DNAH17: variants seen among roughly 807,000 people sequenced by gnomAD.
DNAH17 encodes axonemal beta dynein heavy chain 17.
In DNAH17, 376 loss-of-function variants were observed where a neutral mutation model predicts 485.6. The ratio of observed to expected loss-of-function variants is 0.77; its 90% CI spans 0.71 to 0.84. The LOEUF is 0.84. DNAH17 is among the 40% of genes least tolerant of loss of function. The pLI, the probability that DNAH17 is intolerant of heterozygous loss-of-function variation, is 0.00. For synonymous variants in DNAH17, 3,031 were observed against 2,405.9 expected, an observed-to-expected ratio of 1.26 and a Z score of -7.60; for missense variants, 6,370 against 5,839.3, an observed-to-expected ratio of 1.09 and a Z score of -2.96.
In DNAH17 at chr17:78,529,565, G is replaced by A. The variant is rs114409321; in HGVS notation, c.3414C>T (p.Ala1138=). 1.0e-3 allele frequency: 1,644 copies of A among 1,613,926 alleles called. 14 individuals are homozygous for A. In the African/African-American group the frequency reaches 0.018, roughly 18 times the overall value. ...HLMKVKERQA[A]TDNMFEPLKQ... ...TCAGGGGCTCAAACATGTTGTCGGT[G>A]GCTGCTTGCCTCTCCTTGACTTTCA... The change falls in exon 22 of 81, where the codon GCC becomes GCT. Residue 1138 remains alanine (A), a synonymous_variant. Transcript: ENST00000389840.
chr17:78,439,300 C>A (rs1371863130), intron 72 of DNAH17, 83 bp from the exon 73 acceptor site: 2 of 1,450,902 alleles, frequency 1.4e-6, no homozygotes, highest in Admixed American at 4.7e-5. Context: ...CCAGGAATTC[C>A]ACATGCCTCC....
At chr17:78,490,412 TTCCCACCTCCACAGAGGCCAAGACC>T (rs1393943026) in intron 44 of DNAH17, among the ~76,000 whole-genome samples, 1 of 152,162 alleles carries the variant, frequency 6.6e-6, no homozygotes, top group Non-Finnish European at 1.5e-5. Context: ...CTGGGAAGAC[TTCCCACCTCCACAGAGGCCAAGACC>T]TCCCTTCCCA....
In DNAH17 at chr17:78,462,923, G is replaced by A. The variant is rs778520613; in HGVS notation, c.9095C>T (p.Ala3032Val). 1 of 1,613,972 alleles carries A rather than the reference G, an allele frequency of 6.2e-7. No homozygotes were observed. Among genetic ancestry groups the A allele is most frequent in the Non-Finnish European group, 8.5e-7 (1 of 1,179,888 alleles). ...GGCAACAAGTTCCGTTCTCTTCTTGGCCAGCAGGTTCTGGTACAGTTTGAT... is the reference window on the plus strand; with the variant it reads ...GGCAACAAGTTCCGTTCTCTTCTTGACCAGCAGGTTCTGGTACAGTTTGAT... ...EQIKLYQNLL[A>V]KKRTELVAKI... is the part of the protein sequence containing the mutation. The change falls in exon 57 of 81, where the codon GCC becomes GTC. Residue 3032 changes from alanine to valine, a missense_variant. By Grantham distance (64) the Ala-to-Val change is moderately conservative (BLOSUM62 0). Transcript: ENST00000389840.
chr17:78,450,554 C>T, intron 67 of DNAH17, 128 bp downstream of exon 67: 1 of 1,426,296 alleles, frequency 7.0e-7, no homozygotes. Context: ...TTCTCCTGCC[C>T]TGGGCCCACT....
At chr17:78,568,625 G>A (rs975880273) in intron 9 of DNAH17, among the ~76,000 whole-genome samples, 1 of 151,978 alleles carries the variant, frequency 6.6e-6, no homozygotes, top group Non-Finnish European at 1.5e-5. Flanking sequence ...TCACTTTGTC[G>A]CTCAGGCTGG....
At chr17:78,548,202 C>CTT (rs34701814) in intron 16 of DNAH17, among the ~76,000 whole-genome samples, 889 of 80,060 alleles carry the variant, frequency 0.011, 127 homozygotes, top group African/African-American at 0.043. Flanking sequence ...ATGTCATGGC[C>CTT]TTTTTTTTTT....
At chr17:78,469,447 G>A (rs1283918874) in intron 54 of DNAH17, among the ~76,000 whole-genome samples, 2 of 152,098 alleles carry the variant, frequency 1.3e-5, no homozygotes, top group Admixed American at 6.6e-5. Context: ...GGCCCACAGG[G>A]ACAACTTTCT....
chr17:78,448,001 G>A (rs752638118), intron 69 of DNAH17, among the ~76,000 whole-genome samples: 16 of 152,000 alleles, frequency 1.1e-4, no homozygotes, highest in South Asian at 2.1e-4. Flanking sequence ...GAGAAACCCC[G>A]TCTCAACTAA....
intron 14 of DNAH17, among the ~76,000 whole-genome samples, chr17:78,556,126 TCC>T (rs561965902): frequency 6.6e-6 from 1 of 152,032 alleles, no homozygotes; most frequent in Non-Finnish European, 1.5e-5. Flanking sequence ...TCTGTATCTA[TCC>T]CCCCCATCTA....
intron 56 of DNAH17, among the ~76,000 whole-genome samples, chr17:78,465,140 C>T (rs772478188): frequency 2.0e-4 from 31 of 152,228 alleles, no homozygotes; most frequent in Non-Finnish European, 3.7e-4. Context: ...CTGTGTTGCC[C>T]AGGCCAGTCT....
chr17:78,507,565 G>A lies in DNAH17; in HGVS notation c.4477C>T (p.Gln1493Ter). Residue 1493 changes from glutamine to a stop codon, truncating the protein, a stop_gained, in exon 28 of 81, where the codon CAG (glutamine) becomes TAG (stop). Transcript: ENST00000389840. LOFTEE classifies it high-confidence loss of function. ...DSVISIWFEV[Q>*]RTWSHLESIF... ...CTCTCCAGGTGGCTCCAGGTTCGCTGGACCTCAAACCAGATGGAGATGACG... is the reference window on the plus strand; with the variant it reads ...CTCTCCAGGTGGCTCCAGGTTCGCTAGACCTCAAACCAGATGGAGATGACG... The A allele has an allele frequency of 6.2e-7, 1 of 1,614,094 alleles. No homozygotes were observed. The highest frequency in any genetic ancestry group is 2.2e-5 in the East Asian group (1 of 44,892).
intron 75 of DNAH17, among the ~76,000 whole-genome samples, chr17:78,432,213 A>AAATAAATAAATAAAATTAAAATT (rs1568042512): frequency 6.6e-6 from 1 of 151,562 alleles, no homozygotes; most frequent in African/African-American, 2.4e-5. Context: ...TAAAATAAAT[A>AAATAAATAAATAAAATTAAAATT]AAAATTAAAA....
At position 78,501,449 on chromosome 17, in the gene DNAH17, AC is replaced by A. The variant is rs2090285799; in HGVS notation, c.5323-106del. 4.4e-6 allele frequency: 6 copies of A among 1,360,974 alleles called. No homozygotes were observed. In the African/African-American group the frequency reaches 8.7e-5, roughly 20 times the overall value. 84.3% of individuals were successfully genotyped at this position (1,360,974 alleles called of 1,614,324 possible). On this transcript the variant is annotated intron_variant, in intron 34 of 80. Coordinates refer to ENST00000389840, the MANE Select transcript of DNAH17 (RefSeq NM_173628.4). ...AGGCCGGTCCCCTGCTGCCCAGGGAACCCTCCCTGGCCCTCTTTCCCCCTCC... is the reference window on the plus strand; with the variant it reads ...AGGCCGGTCCCCTGCTGCCCAGGGAACCTCCCTGGCCCTCTTTCCCCCTCC...
In DNAH17 at chr17:78,495,836, G is replaced by A. The variant is rs369984714; in HGVS notation, c.5903+39C>T. Reference sequence around the variant, plus strand: ...ACTGGGACGTTGCTGTGGCCGGCCTGGCTCACTGCAGCCACTCACTTTCAC... The same window carrying A: ...ACTGGGACGTTGCTGTGGCCGGCCTAGCTCACTGCAGCCACTCACTTTCAC... On this transcript the variant is annotated intron_variant, in intron 38 of 80. Coordinates refer to ENST00000389840, the MANE Select transcript of DNAH17 (RefSeq NM_173628.4). The A allele has an allele frequency of 2.0e-4, 313 of 1,596,084 alleles. 1 individual carries two copies. In the African/African-American group the frequency reaches 3.7e-3, roughly 19 times the overall value.
chr17:78,460,375 T>C (rs2088052645), intron 58 of DNAH17, 118 bp from the exon 59 acceptor site: 4 of 267,990 alleles, frequency 1.5e-5, no homozygotes, highest in Non-Finnish European at 2.7e-5. Context: ...CGTGCATGAG[T>C]GTATGTGTGC....
intron 69 of DNAH17, 78 bp from the exon 70 acceptor site, chr17:78,445,758 AAG>A (rs2146475713): frequency 1.3e-6 from 2 of 1,503,328 alleles, no homozygotes; most frequent in African/African-American, 1.4e-5. Context: ...GCTGGACTCG[AAG>A]AGGAGTTCAC....
In DNAH17 at chr17:78,570,840, G is replaced by C. The variant is rs779864267; in HGVS notation, c.918+108C>G. ...GCCACAGCACTCTAGCCTGGTGACA[G>C]AGCGAGACTCCCTCTCAAAAAAAAA... On this transcript the variant is annotated intron_variant, in intron 6 of 80. Coordinates refer to ENST00000389840, the MANE Select transcript of DNAH17 (RefSeq NM_173628.4). The C allele has an allele frequency of 3.5e-4, 222 of 638,480 alleles. 1 individual carries two copies. The highest frequency in any genetic ancestry group is 4.6e-4 in the Non-Finnish European group (199 of 432,238). 39.6% of individuals were successfully genotyped at this position (638,480 alleles called of 1,614,324 possible).
intron 54 of DNAH17, among the ~76,000 whole-genome samples, chr17:78,473,882 A>G (rs533866968): frequency 1.6e-4 from 24 of 152,318 alleles, no homozygotes; most frequent in Admixed American, 9.2e-4. Flanking sequence ...GCAGATACCA[A>G]TGTGAACTAA....
At chr17:78,476,035 C>T (rs147619115) in intron 52 of DNAH17, among the ~76,000 whole-genome samples, 3,202 of 152,140 alleles carry the variant, frequency 0.021, 42 homozygotes, top group Middle Eastern at 0.044. Context: ...GGGTCTGATC[C>T]CCACTGTATC....
Sources: gnomAD v4.1 joint callset for allele counts (sites outside exome capture counted in the v4.1 genomes callset) on GRCh38, gnomAD v4.1.1 for gene constraint, MANE v1.5 for transcripts, NCBI Gene and HGNC (gene_info 2026-07-23, HGNC 2026-07-21) for gene names.